CCSER1: variants seen among roughly 807,000 people sequenced by gnomAD.
The protein encoded by CCSER1 is coiled-coil serine rich protein 1.
CCSER1 carries 41 observed loss-of-function variants against 82.0 expected under a neutral mutation model. The observed-to-expected ratio is 0.50, with a 90% CI of 0.39 to 0.65. The LOEUF (loss-of-function observed/expected upper bound fraction) is 0.65. Among genes scored for constraint, CCSER1 ranks in the 30% least tolerant of loss-of-function variants. The pLI, the probability that CCSER1 is intolerant of heterozygous loss-of-function variation, is 0.00. For synonymous variants in CCSER1, 414 were observed against 383.9 expected, an observed-to-expected ratio of 1.08 and a Z score of -0.92; for missense variants, 1,119 against 1,064.2, an observed-to-expected ratio of 1.05 and a Z score of -0.72.
chr4:91,074,836 CT>C (rs1721796215), intron 9 of CCSER1, among the ~76,000 whole-genome samples: 1 of 152,156 alleles, frequency 6.6e-6, no homozygotes, highest in Non-Finnish European at 1.5e-5. Context: ...ATCATGGCTA[CT>C]TTCTACATGT....
At chr4:90,696,966 C>T (rs1482291224) in intron 6 of CCSER1, among the ~76,000 whole-genome samples, 1 of 151,986 alleles carries the variant, frequency 6.6e-6, no homozygotes, top group African/African-American at 2.4e-5. Flanking sequence ...TAGTTAAGGG[C>T]TGCACAGTGG....
Position 91,023,139 on chromosome 4 carries a change from G to T in CCSER1, c.2173-62811G>T, listed in dbSNP as rs888215378. Among the ~76,000 whole-genome samples the T allele has an allele frequency of 2.2e-4, 33 of 152,100 alleles. 1 individual carries two copies. Among genetic ancestry groups the T allele is most frequent in the Non-Finnish European group, 5.9e-5 (4 of 68,012 alleles). ...TCTTCAAGGAGAACTACAAACCACT[G>T]CTCAAAGAAATAAAGGAGAATACAA... On this transcript the variant is annotated intron_variant, in intron 9 of 10. Transcript: ENST00000509176.
At chr4:91,034,576 T>C (rs11736428) in intron 9 of CCSER1, among the ~76,000 whole-genome samples, 7,126 of 152,182 alleles carry the variant, frequency 0.047, 412 homozygotes, top group African/African-American at 0.14. Flanking sequence ...TTACTATTTA[T>C]TGGAGCGAAT....
chr4:90,871,544 C>A (rs954932544), intron 8 of CCSER1, among the ~76,000 whole-genome samples: 2 of 151,710 alleles, frequency 1.3e-5, no homozygotes, highest in African/African-American at 4.8e-5. Flanking sequence ...GATATTATTT[C>A]AAATTTTTTT....
intron 10 of CCSER1, among the ~76,000 whole-genome samples, chr4:91,238,341 T>A (rs1739180898): frequency 6.6e-6 from 1 of 151,918 alleles, no homozygotes; most frequent in Non-Finnish European, 1.5e-5. Context: ...AGAGAAGAAA[T>A]GGGGACCTCA....
At chr4:91,350,566 G>C (rs963028997) in intron 10 of CCSER1, among the ~76,000 whole-genome samples, 10 of 152,108 alleles carry the variant, frequency 6.6e-5, no homozygotes, top group Non-Finnish European at 8.8e-5. Context: ...GGCATTCACA[G>C]ATATTTTTCT....
At chr4:90,202,958 G>C (rs1430711903) in intron 1 of CCSER1, among the ~76,000 whole-genome samples, 1 of 152,126 alleles carries the variant, frequency 6.6e-6, no homozygotes, top group African/African-American at 2.4e-5. Context: ...TTTGCAATCT[G>C]TATTTGATTA....
chr4:91,417,059 A>G (rs1358655828), intron 10 of CCSER1, among the ~76,000 whole-genome samples: 1 of 152,220 alleles, frequency 6.6e-6, no homozygotes, highest in Non-Finnish European at 1.5e-5. Flanking sequence ...ATAAATGGAC[A>G]CTTCTCAAAA....
At chr4:90,298,544 T>G (rs908561855) in intron 1 of CCSER1, among the ~76,000 whole-genome samples, 1 of 152,002 alleles carries the variant, frequency 6.6e-6, no homozygotes, top group Non-Finnish European at 1.5e-5. Context: ...AGCTTTTGAA[T>G]GTGTTTGCTC....
intron 1 of CCSER1, among the ~76,000 whole-genome samples, chr4:90,276,252 TTCC>T (rs1390225284): frequency 1.2e-5 from 1 of 80,390 alleles, no homozygotes; most frequent in African/African-American, 5.2e-5. Flanking sequence ...CTTTCTTTCT[TTCC>T]TTCCTTCCTT....
rs547725516 is a variant in CCSER1 at position 91,476,349 on chromosome 4, T to C, written c.2218-122223T>C. ...TAGACATTTTAACTGGGATGATATA[T>C]CTTTTTATGGTTTTGATTTGCATTT... On this transcript the variant is annotated intron_variant, in intron 10 of 10. Coordinates refer to ENST00000509176, the MANE Select transcript of CCSER1 (RefSeq NM_001145065.2). 2.8e-3 allele frequency among the ~76,000 whole-genome samples: 423 copies of C among 151,918 alleles called. 5 individuals carry two copies. Among genetic ancestry groups the C allele is most frequent in the Non-Finnish European group, 1.0e-3 (68 of 67,760 alleles).
In CCSER1 at chr4:91,599,724, A is replaced by G. The variant is rs1332690954; in HGVS notation, c.*667A>G. 1.3e-5 allele frequency: 2 copies of G among 152,124 alleles called. No individual in the cohort carries two copies. Among genetic ancestry groups the G allele is most frequent in the Non-Finnish European group, 2.9e-5 (2 of 68,012 alleles). The allele number at this position is 152,124 out of a possible 1,614,324, so 9.4% of individuals were successfully genotyped here. On this transcript the variant is annotated 3_prime_UTR_variant, in exon 11 of 11. Transcript: ENST00000509176. ...TTTCAGACAGAGTAATTGCTAGCCA[A>G]ATAGAGAATGACAGCTCTGATCTTT...
chr4:90,755,012 G>A (rs1187349445), intron 7 of CCSER1, among the ~76,000 whole-genome samples: 1 of 152,006 alleles, frequency 6.6e-6, no homozygotes, highest in East Asian at 1.9e-4. Context: ...TCACATCAGT[G>A]TTCCAGATAG....
At chr4:90,799,299 C>A (rs1437949048) in intron 7 of CCSER1, among the ~76,000 whole-genome samples, 3 of 152,156 alleles carry the variant, frequency 2.0e-5, no homozygotes, top group African/African-American at 4.8e-5. Flanking sequence ...TTGGCTGGTT[C>A]TGTGCCTGCC....
At chr4:90,843,001 G>C (rs1248957678) in intron 8 of CCSER1, among the ~76,000 whole-genome samples, 1 of 152,134 alleles carries the variant, frequency 6.6e-6, no homozygotes, top group Non-Finnish European at 1.5e-5. Context: ...GCCATTTCTA[G>C]ACTTAGTTTG....
chr4:90,607,118 T>C (rs1350064806), intron 5 of CCSER1, among the ~76,000 whole-genome samples: 1 of 152,208 alleles, frequency 6.6e-6, no homozygotes, highest in Non-Finnish European at 1.5e-5. Flanking sequence ...TATTTAGTTA[T>C]GGATGACTCT....
chr4:90,656,444 T>G (rs1729721997), intron 6 of CCSER1, among the ~76,000 whole-genome samples: 1 of 151,838 alleles, frequency 6.6e-6, no homozygotes, highest in African/African-American at 2.4e-5. Context: ...TAATCCTACA[T>G]AGTCTAATAT....
chr4:91,221,822 A>C (rs1026681183), intron 10 of CCSER1, among the ~76,000 whole-genome samples: 1 of 152,124 alleles, frequency 6.6e-6, no homozygotes, highest in Non-Finnish European at 1.5e-5. Context: ...AAATAGCTAG[A>C]GTCCAGTGTG....
At chr4:91,272,006 C>T (rs577143249) in intron 10 of CCSER1, among the ~76,000 whole-genome samples, 1 of 152,300 alleles carries the variant, frequency 6.6e-6, no homozygotes, top group East Asian at 1.9e-4. Flanking sequence ...TTTATCTACA[C>T]ATTGATTGAC....
Sources: gnomAD v4.1 joint callset for allele counts (sites outside exome capture counted in the v4.1 genomes callset) on GRCh38, gnomAD v4.1.1 for gene constraint, MANE v1.5 for transcripts, NCBI Gene and HGNC (gene_info 2026-07-23, HGNC 2026-07-21) for gene names.